Variants in ENTREP2 observed in about 807,000 individuals in gnomAD.
ENTREP2 encodes the protein protein ENTREP2.
At chr15:29,123,772 C>CA in the ENTREP2 span, 2 of 1,044,346 alleles carry the variant, frequency 1.9e-6, no homozygotes, top group Non-Finnish European at 2.7e-6. Context: ...GTTCCTGGGG[C>CA]TGGCGCTCTG....
chr15:29,502,186 A>C, the ENTREP2 span, among the ~76,000 whole-genome samples: 11 of 151,980 alleles, frequency 7.2e-5, no homozygotes, highest in South Asian at 2.3e-3. Context: ...GAAAAAGAAC[A>C]AAGTGAGAGG....
At chr15:29,341,364 T>C in the ENTREP2 span, among the ~76,000 whole-genome samples, 1 of 152,314 alleles carries the variant, frequency 6.6e-6, no homozygotes, top group African/African-American at 2.4e-5. Flanking sequence ...CAGGCCCTCT[T>C]GTCTCAGCTC....
chr15:29,297,495 T>C, the ENTREP2 span, among the ~76,000 whole-genome samples: 1 of 152,170 alleles, frequency 6.6e-6, no homozygotes, highest in Non-Finnish European at 1.5e-5. Flanking sequence ...TATCAAATAA[T>C]CAAACTAATA....
chr15:29,149,368 T>C, the ENTREP2 span, among the ~76,000 whole-genome samples: 5 of 152,328 alleles, frequency 3.3e-5, no homozygotes, highest in Non-Finnish European at 7.3e-5. Flanking sequence ...TTACAACAAA[T>C]ATCACTGGCA....
the ENTREP2 span, among the ~76,000 whole-genome samples, chr15:29,538,796 G>A: frequency 2.3e-4 from 34 of 148,142 alleles, no homozygotes; most frequent in African/African-American, 8.1e-4. Flanking sequence ...GTGACAAAGC[G>A]AGACTCTATC....
At chr15:29,674,128 T>TA in the ENTREP2 span, among the ~76,000 whole-genome samples, 1 of 46,092 alleles carries the variant, frequency 2.2e-5, no homozygotes, top group African/African-American at 6.2e-5. Flanking sequence ...CTGCAGAGGA[T>TA]GGGGGGGGGG....
At chr15:29,572,732 G>T in the ENTREP2 span, among the ~76,000 whole-genome samples, 1 of 152,100 alleles carries the variant, frequency 6.6e-6, no homozygotes, top group Non-Finnish European at 1.5e-5. Flanking sequence ...ATCGAAGAAT[G>T]AGTTGCAAGC....
the ENTREP2 span, chr15:29,374,446 C>A: frequency 2.0e-5 from 3 of 152,124 alleles, no homozygotes; most frequent in Non-Finnish European, 4.4e-5. Context: ...TGACATTAGA[C>A]TTCATCAAGT....
At chr15:29,597,770 C>T in the ENTREP2 span, among the ~76,000 whole-genome samples, 519 of 152,170 alleles carry the variant, frequency 3.4e-3, 3 homozygotes, top group African/African-American at 0.012. Context: ...TAGGGACATA[C>T]GCTTCCAAAT....
the ENTREP2 span, among the ~76,000 whole-genome samples, chr15:29,487,584 T>C: frequency 3.6e-4 from 55 of 152,300 alleles, no homozygotes; most frequent in South Asian, 0.011. Flanking sequence ...GGTAAGGAAT[T>C]ACAGATCTTG....
At chr15:29,521,675 G>A in the ENTREP2 span, among the ~76,000 whole-genome samples, 1 of 152,206 alleles carries the variant, frequency 6.6e-6, no homozygotes, top group South Asian at 2.1e-4. Flanking sequence ...GCAGAAAAAG[G>A]GCAAAGTTAT....
At chr15:29,307,020 T>A in the ENTREP2 span, among the ~76,000 whole-genome samples, 1 of 152,124 alleles carries the variant, frequency 6.6e-6, no homozygotes, top group African/African-American at 2.4e-5. Context: ...AATGCTGGGA[T>A]TACAGGAGTG....
the ENTREP2 span, among the ~76,000 whole-genome samples, chr15:29,262,610 C>A: frequency 2.0e-5 from 3 of 152,338 alleles, no homozygotes; most frequent in East Asian, 3.9e-4. Context: ...CACACACCTT[C>A]CCCATACCTT....
the ENTREP2 span, among the ~76,000 whole-genome samples, chr15:29,221,926 A>G: frequency 6.6e-6 from 1 of 152,164 alleles, no homozygotes; most frequent in Non-Finnish European, 1.5e-5. Context: ...ACTTGGGAAA[A>G]CAGTGTTTCA....
At chr15:29,621,266 G>A in the ENTREP2 span, among the ~76,000 whole-genome samples, 3 of 151,928 alleles carry the variant, frequency 2.0e-5, no homozygotes, top group Non-Finnish European at 4.4e-5. Flanking sequence ...GCTCACGCCT[G>A]TAATCCCAGC....
At chr15:29,471,688 C>T in the ENTREP2 span, among the ~76,000 whole-genome samples, 1 of 152,174 alleles carries the variant, frequency 6.6e-6, no homozygotes, top group Admixed American at 6.5e-5. Flanking sequence ...ACGTAAGCCC[C>T]GCACCCGCCA....
chr15:29,243,984 A>T, the ENTREP2 span, among the ~76,000 whole-genome samples: 6 of 152,240 alleles, frequency 3.9e-5, no homozygotes, highest in Middle Eastern at 3.2e-3. Flanking sequence ...CTGGACAAGG[A>T]GGGCACCTCA....
the ENTREP2 span, among the ~76,000 whole-genome samples, chr15:29,299,997 GTGGATGGA>G: frequency 6.7e-6 from 1 of 148,314 alleles, no homozygotes; most frequent in Non-Finnish European, 1.5e-5. Context: ...AGGTGGGTGG[GTGGATGGA>G]TGGATGTGTG....
chr15:29,159,398 C>T, the ENTREP2 span, among the ~76,000 whole-genome samples: 1 of 152,142 alleles, frequency 6.6e-6, no homozygotes. Flanking sequence ...AGATTTATTG[C>T]AAACAGCATA....
Sources: allele counts gnomAD v4.1 joint callset (sites outside exome capture counted in the v4.1 genomes callset), GRCh38; gene constraint gnomAD v4.1.1; transcripts MANE v1.5; gene names NCBI Gene and HGNC (gene_info 2026-07-23, HGNC 2026-07-21).